SIAE: variants seen among roughly 807,000 people sequenced by gnomAD.
SIAE encodes the protein sialate O-acetylesterase.
In SIAE, 39 loss-of-function variants were observed where a neutral mutation model predicts 52.6. The ratio of observed to expected loss-of-function variants is 0.74; its 90% confidence interval spans 0.57 to 0.97. The LOEUF (loss-of-function observed/expected upper bound fraction) is 0.97, where lower values mean the gene tolerates loss of function less well. Among genes scored for constraint, SIAE ranks in the 50% least tolerant of loss-of-function variants. SIAE has a pLI of 0.00. For synonymous variants in SIAE, 233 were observed against 241.4 expected (o/e 0.97, Z 0.32); for missense variants, 592 against 662.1 (o/e 0.89, Z 1.16).
intron 8 of SIAE, 76 bp from the exon 9 acceptor site, chr11:124,638,813 T>C: frequency 2.7e-6 from 3 of 1,130,854 alleles, no homozygotes; most frequent in Non-Finnish European, 4.0e-6. Context: ...AGGGGGATTA[T>C]ACAAAGCACC....
intron 1 of SIAE, among the ~76,000 whole-genome samples, chr11:124,671,741 A>G (rs1943360035): frequency 1.3e-5 from 2 of 152,108 alleles, no homozygotes; most frequent in South Asian, 4.1e-4. Flanking sequence ...CACAAGACAC[A>G]TACATTTACC....
chr11:124,653,723 G>T (rs762763343), intron 4 of SIAE, among the ~76,000 whole-genome samples: 4 of 152,214 alleles, frequency 2.6e-5, no homozygotes, highest in Non-Finnish European at 5.9e-5. Context: ...GGAGAAAGAT[G>T]AAGCATCTGT....
rs1026516272 is a variant in SIAE at position 124,636,012 on chromosome 11, T to G, written c.*939A>C. ...CTCTTTTCTTCTTCCAAATGGATTA[T>G]CCTTAAACCTTTTACCTTTAAAGAG... On this transcript the variant is annotated 3_prime_UTR_variant, in exon 10 of 10. Transcript: ENST00000263593. 3.3e-5 allele frequency: 5 copies of G among 152,210 alleles called. No homozygotes were observed. Among genetic ancestry groups the G allele is most frequent in the African/African-American group, 9.7e-5 (4 of 41,442 alleles). The allele number at this position is 152,210 out of a possible 1,614,324, so 9.4% of individuals were successfully genotyped here.
At position 124,670,307 on chromosome 11, in the gene SIAE, A is replaced by C. The variant is rs1943332637; in HGVS notation, c.68-786T>G. On this transcript the variant is annotated intron_variant, in intron 1 of 9. Coordinates refer to ENST00000263593, the MANE Select transcript of SIAE (RefSeq NM_170601.5). The surrounding 1 kb of genome is among the most constrained non-coding windows in gnomAD (Gnocchi z 4.5). The stretch of plus-strand genomic sequence containing the variant: ...CAAGAGAAAGCACACTAGAAACTGG[A>C]TTCTATTCTAGAGAGTCACTAACAA... Among the ~76,000 whole-genome samples the C allele has an allele frequency of 6.6e-6, 1 of 152,214 alleles. No homozygotes were observed. Among genetic ancestry groups the C allele is most frequent in the Non-Finnish European group, 1.5e-5 (1 of 68,026 alleles).
chr11:124,654,266 C>A (rs1943061410), intron 4 of SIAE: 1 of 985,286 alleles, frequency 1.0e-6, no homozygotes, highest in African/African-American at 1.7e-5. Flanking sequence ...TTAAAGAAGG[C>A]TCTGGAGAAA....
At chr11:124,660,181 T>C in intron 3 of SIAE, 1 of 230,664 alleles carries the variant, frequency 4.3e-6, no homozygotes. Flanking sequence ...TCCCAGCTAC[T>C]TGGGAGGCTG....
chr11:124,649,565 C>T, intron 5 of SIAE, 54 bp downstream of exon 5: 1 of 1,596,048 alleles, frequency 6.3e-7, no homozygotes, highest in South Asian at 1.1e-5. Flanking sequence ...ATGACCCTCT[C>T]TCTTGCATAA....
At chr11:124,641,477 CAAT>C (rs1942844827) in intron 7 of SIAE, among the ~76,000 whole-genome samples, 1 of 152,278 alleles carries the variant, frequency 6.6e-6, no homozygotes, top group African/African-American at 2.4e-5. Flanking sequence ...TTGTATTAAA[CAAT>C]AAAGAACCTC....
chr11:124,658,418 C>T (rs1469514277), intron 3 of SIAE, among the ~76,000 whole-genome samples: 2 of 150,710 alleles, frequency 1.3e-5, no homozygotes, highest in Non-Finnish European at 2.9e-5. Flanking sequence ...GAATGTGGTA[C>T]CAGCCCTTCT....
In SIAE at chr11:124,636,735, G is replaced by C. The variant is rs1942749096; in HGVS notation, c.*216C>G. 1.6e-6 allele frequency: 1 copy of C among 631,318 alleles called. No individual in the cohort carries two copies. The highest frequency in any genetic ancestry group is 1.8e-5 in the African/African-American group (1 of 54,354). 39.1% of individuals were successfully genotyped at this position (631,318 alleles called of 1,614,324 possible). A position where few individuals can be genotyped will look rare whatever the true frequency, so the allele number is the denominator to read the frequency against. On this transcript the variant is annotated 3_prime_UTR_variant, in exon 10 of 10. Coordinates refer to ENST00000263593, the MANE Select transcript of SIAE (RefSeq NM_170601.5). ...TGTAGTTCAGAATTAGTCCAATACA[G>C]ACCCTTAGACCAACTAGGGAACAAA... is the stretch of plus-strand genomic sequence containing the variant.
At chr11:124,662,905 G>A (rs573341715) in intron 2 of SIAE, among the ~76,000 whole-genome samples, 1 of 152,222 alleles carries the variant, frequency 6.6e-6, no homozygotes, top group Non-Finnish European at 1.5e-5. Flanking sequence ...AGCACTTTGG[G>A]AGGCCGAGGC....
chr11:124,665,580 C>G (rs1173819741), intron 2 of SIAE, among the ~76,000 whole-genome samples: 1 of 152,204 alleles, frequency 6.6e-6, no homozygotes, highest in Non-Finnish European at 1.5e-5. Flanking sequence ...ACTTCAGACC[C>G]ACAGAAATTG....
intron 2 of SIAE, among the ~76,000 whole-genome samples, chr11:124,664,292 C>A (rs538617095): frequency 1.3e-5 from 2 of 151,274 alleles, no homozygotes; most frequent in Non-Finnish European, 2.9e-5. Flanking sequence ...AGTGCAGTGG[C>A]GCGATCTTGG....
At chr11:124,661,822 G>C (rs1943190646) in intron 2 of SIAE, among the ~76,000 whole-genome samples, 2 of 152,208 alleles carry the variant, frequency 1.3e-5, no homozygotes, top group South Asian at 4.1e-4. Flanking sequence ...GGGAAAGAAT[G>C]ATAAGAACTG....
chr11:124,640,398 A>C (rs1942825716), intron 7 of SIAE, among the ~76,000 whole-genome samples: 3 of 152,228 alleles, frequency 2.0e-5, no homozygotes, highest in Admixed American at 1.3e-4. Context: ...TTGCAGCCAC[A>C]TAAGCAAGCC....
rs373140170 is a variant in SIAE, at chr11:124,662,269, C to G, written c.230-1466G>C. Among the ~76,000 whole-genome samples the G allele has an allele frequency of 3.3e-5, 5 of 152,292 alleles. No individual in the cohort carries two copies. In the East Asian group the frequency reaches 7.7e-4, roughly 23 times the overall value. The stretch of plus-strand genomic sequence containing the variant: ...AGTGGGCAGCTAGGACAGATTGTGT[C>G]GCACAGGTGTGATGTGTTCCATGTG... On this transcript the variant is annotated intron_variant, in intron 2 of 9. Coordinates refer to ENST00000263593, the MANE Select transcript of SIAE (RefSeq NM_170601.5).
chr11:124,675,225 A>G (rs1269615564), upstream of SIAE: 1 of 1,592,916 alleles, frequency 6.3e-7, no homozygotes. Context: ...AGTACTCTTT[A>G]ATGAATCTTT....
At chr11:124,648,752 C>A (rs1942976629) in intron 5 of SIAE, among the ~76,000 whole-genome samples, 1 of 152,124 alleles carries the variant, frequency 6.6e-6, no homozygotes, top group Non-Finnish European at 1.5e-5. Context: ...GTGTGAGAAG[C>A]CCACTTGCCC....
chr11:124,644,353 G>GAA lies in SIAE; in HGVS notation c.966+3010_966+3011dup, dbSNP rs370589585. Among the ~76,000 whole-genome samples, 891 of 102,032 alleles carry GAA rather than the reference G, an allele frequency of 8.7e-3. 22 individuals carry two copies. Among genetic ancestry groups the GAA allele is most frequent in the East Asian group, 0.059 (216 of 3,662 alleles). The allele number at this position is 102,032 out of a possible 152,430, so 66.9% of individuals were successfully genotyped here. A position where few individuals can be genotyped will look rare whatever the true frequency, so the allele number is the denominator to read the frequency against. ...CGCCACAGGAAAGAGTCTGTGGTGA[G>GAA]AAAAAAAAAAAAAAAAAAAAACTAG... On this transcript the variant is annotated intron_variant, in intron 7 of 9. Transcript: ENST00000263593.
Sources: allele counts gnomAD v4.1 joint callset (sites outside exome capture counted in the v4.1 genomes callset), GRCh38; gene constraint gnomAD v4.1.1; non-coding constraint Gnocchi (gnomAD v3.1); transcripts MANE v1.5; gene names NCBI Gene and HGNC (gene_info 2026-07-23, HGNC 2026-07-21).